Variants in ITGA7 observed in about 807,000 individuals in gnomAD.
The protein encoded by ITGA7 is integrin alpha-7.
Under a neutral mutation model 131.6 loss-of-function variants are expected in ITGA7, and 84 were observed. That is an observed-to-expected ratio of 0.64 (90% confidence interval 0.54 to 0.77). The LOEUF (loss-of-function observed/expected upper bound fraction) is 0.77. Ranked by LOEUF, ITGA7 falls within the 30% of genes least tolerant of loss-of-function variation. The pLI, the probability that ITGA7 is intolerant of heterozygous loss-of-function variation, is 0.00. For synonymous variants in ITGA7, 548 were observed against 600.7 expected (o/e 0.91, Z 1.28); for missense variants, 1,399 against 1,482.9 (o/e 0.94, Z 0.93).
intron 24 of ITGA7, among the ~76,000 whole-genome samples, chr12:55,687,250 TC>T (rs1334941963): frequency 7.0e-6 from 1 of 143,626 alleles, no homozygotes; most frequent in African/African-American, 2.6e-5. Flanking sequence ...CAATCTTGGC[TC>T]ACTGCAACCT....
In ITGA7 at chr12:55,684,693, C is replaced by CGGTG; in HGVS notation, c.*364_*365insCACC. ...GCAGCCTGAGTCAGTGACACAACCT[C>CGGTG]CTCCCCGACCCTCTAGGTTAAGGCA... On this transcript the variant is annotated 3_prime_UTR_variant, in exon 25 of 25. Coordinates refer to ENST00000257879, the MANE Select transcript of ITGA7 (RefSeq NM_002206.3). The CGGTG allele has an allele frequency of 3.9e-6, 1 of 258,700 alleles. No individual in the cohort carries two copies. Among genetic ancestry groups the CGGTG allele is most frequent in the Admixed American group, 4.8e-5 (1 of 20,634 alleles). The allele number at this position is 258,700 out of a possible 1,614,324, so 16.0% of individuals were successfully genotyped here. A position where few individuals can be genotyped will look rare whatever the true frequency, so the allele number is the denominator to read the frequency against.
intron 1 of ITGA7, among the ~76,000 whole-genome samples, chr12:55,705,910 A>C (rs1875075567): frequency 6.6e-6 from 1 of 152,220 alleles, no homozygotes; most frequent in Non-Finnish European, 1.5e-5. Flanking sequence ...GTGCTAAGGC[A>C]GGCCACCTGC....
At chr12:55,703,911 C>A (rs1375959161) in intron 1 of ITGA7, among the ~76,000 whole-genome samples, 1 of 152,186 alleles carries the variant, frequency 6.6e-6, no homozygotes, top group Non-Finnish European at 1.5e-5. Flanking sequence ...TTCCCTTCCA[C>A]CCCCACCCAG....
At chr12:55,688,339 C>T (rs183267494) in intron 22 of ITGA7, 39 bp from the exon 23 acceptor site, 24 of 1,357,172 alleles carry the variant, frequency 1.8e-5, no homozygotes, top group South Asian at 1.3e-4. Context: ...CCTAAATGCC[C>T]CATGTCTCCC....
chr12:55,687,155 T>A (rs1271317986), intron 24 of ITGA7, among the ~76,000 whole-genome samples: 2 of 149,162 alleles, frequency 1.3e-5, no homozygotes, highest in African/African-American at 5.0e-5. Context: ...GAGAACGAGA[T>A]CTGCATCTGA....
chr12:55,706,855 G>A (rs1267463720), intron 1 of ITGA7, among the ~76,000 whole-genome samples: 10 of 152,142 alleles, frequency 6.6e-5, no homozygotes, highest in African/African-American at 2.2e-4. Context: ...AGTACTTTGA[G>A]GGTTCAGTTT....
intron 14 of ITGA7, 181 bp downstream of exon 14, chr12:55,695,341 G>A: frequency 1.6e-6 from 1 of 610,782 alleles, no homozygotes; most frequent in Non-Finnish European, 2.9e-6. Context: ...TGCCATGGGA[G>A]CCCCCGTGGC....
chr12:55,700,570 T>G, intron 4 of ITGA7: 1 of 713,026 alleles, frequency 1.4e-6, no homozygotes, highest in Non-Finnish European at 2.3e-6. Context: ...ACTCACCGAG[T>G]GTCAGCTCAG....
At position 55,707,784 on chromosome 12, in the gene ITGA7, G is replaced by T. The variant is rs1203680327; in HGVS notation, c.-102C>A. The T allele has an allele frequency of 2.0e-6, 3 of 1,530,292 alleles. No individual in the cohort carries two copies. In the African/African-American group the frequency reaches 4.1e-5, roughly 21 times the overall value. 94.8% of individuals were successfully genotyped at this position (1,530,292 alleles called of 1,614,324 possible). A position where few individuals can be genotyped will look rare whatever the true frequency, so the allele number is the denominator to read the frequency against. On this transcript the variant is annotated 5_prime_UTR_variant, in exon 1 of 25. Transcript: ENST00000257879. ...CGTCTCTGGTCTCCAAAGTCTCGTT[G>T]GTCTTTCAGACGTCTCCCAGACGTT...
upstream of ITGA7, among the ~76,000 whole-genome samples, chr12:55,714,958 T>G (rs1876409926): frequency 6.7e-6 from 1 of 149,868 alleles, no homozygotes; most frequent in African/African-American, 2.5e-5. Flanking sequence ...CCTCCCAGGT[T>G]CAAGCGATTC....
chr12:55,705,557 T>A (rs1875006124), intron 1 of ITGA7, among the ~76,000 whole-genome samples: 1 of 152,172 alleles, frequency 6.6e-6, no homozygotes, highest in African/African-American at 2.4e-5. Context: ...CTGGGGAGGA[T>A]GCTTGGCCTG....
chr12:55,705,012 T>C (rs1024200952), intron 1 of ITGA7, among the ~76,000 whole-genome samples: 3 of 152,234 alleles, frequency 2.0e-5, no homozygotes, highest in Non-Finnish European at 4.4e-5. Context: ...ATGTGTTTAC[T>C]GAACACACAC....
At chr12:55,712,045 CTTT>C (rs1565648808), upstream of ITGA7, 1 of 1,547,818 alleles carries the variant, frequency 6.5e-7, no homozygotes, top group Non-Finnish European at 8.7e-7. Context: ...ACCATGAGAA[CTTT>C]TTTACTTCAC....
At chr12:55,695,326 T>C (rs1291862011) in intron 14 of ITGA7, 196 bp downstream of exon 14, 6 of 607,230 alleles carry the variant, frequency 9.9e-6, no homozygotes, top group South Asian at 1.9e-5. Flanking sequence ...AGGATTGCTA[T>C]TCCTTGCCAT....
chr12:55,700,416 G>C (rs1565634326), intron 4 of ITGA7: 5 of 1,592,072 alleles, frequency 3.1e-6, no homozygotes, highest in Non-Finnish European at 4.3e-6. Flanking sequence ...ACCTGTTAGT[G>C]CCCAGGGCAG....
chr12:55,691,946 G>A (rs1871502294), intron 21 of ITGA7, among the ~76,000 whole-genome samples: 1 of 152,082 alleles, frequency 6.6e-6, no homozygotes, highest in Non-Finnish European at 1.5e-5. Flanking sequence ...CTCACTGCGA[G>A]CCCCATCCTA....
Position 55,688,964 on chromosome 12 carries a change from AT to A in ITGA7, c.2845-8del. 1.2e-6 allele frequency: 2 copies of A among 1,611,158 alleles called. No individual in the cohort carries two copies. On this transcript the variant is annotated splice_polypyrimidine_tract_variant and splice_region_variant and intron_variant, in intron 21 of 24. Transcript: ENST00000257879. Reference sequence around the variant, plus strand: ...CCGTGCCCCGGGCGCAGTCCTAGGGATAAGGACAGACAGGGGTCTAAGCCAC... The same window carrying A: ...CCGTGCCCCGGGCGCAGTCCTAGGGAAAGGACAGACAGGGGTCTAAGCCAC...
upstream of ITGA7, among the ~76,000 whole-genome samples, chr12:55,714,866 T>G (rs1301535818): frequency 1.4e-5 from 2 of 144,454 alleles, no homozygotes; most frequent in Middle Eastern, 6.5e-3. Flanking sequence ...AAGGCTTTTT[T>G]TTTTTTTTTT....
Position 55,707,820 on chromosome 12 carries a change from G to GGCCCGGGC in ITGA7, c.-139_-138insGCCCGGGC. The GGCCCGGGC allele has an allele frequency of 6.9e-7, 1 of 1,455,774 alleles. No individual in the cohort carries two copies. Among genetic ancestry groups the GGCCCGGGC allele is most frequent in the Non-Finnish European group, 9.1e-7 (1 of 1,102,486 alleles). The allele number at this position is 1,455,774 out of a possible 1,614,324, so 90.2% of individuals were successfully genotyped here. ...CGTCTCCCAGACGTTCGCCCCGCCA[G>GGCCCGGGC]CCCTCCCGCCCGCCCGCCGCTCCGC... is the stretch of plus-strand genomic sequence containing the variant. On this transcript the variant is annotated 5_prime_UTR_variant, in exon 1 of 25. Coordinates refer to ENST00000257879, the MANE Select transcript of ITGA7 (RefSeq NM_002206.3).
Sources: gnomAD v4.1 joint callset for allele counts (sites outside exome capture counted in the v4.1 genomes callset) on GRCh38, gnomAD v4.1.1 for gene constraint, MANE v1.5 for transcripts, NCBI Gene and HGNC (gene_info 2026-07-23, HGNC 2026-07-21) for gene names.